FMN1: variants seen among roughly 807,000 people sequenced by gnomAD.
FMN1 encodes the protein formin 1.
In FMN1, 110 loss-of-function variants were observed where a neutral mutation model predicts 132.4. The ratio of observed to expected loss-of-function variants is 0.83; its 90% CI spans 0.71 to 0.97. FMN1 has a LOEUF of 0.97. FMN1 is among the 50% of genes least tolerant of loss of function. FMN1 has a pLI of 0.00. For missense variants in FMN1, 1,792 were observed against 1,705.3 expected (o/e 1.05, Z -0.90); for synonymous variants, 722 against 651.7 (o/e 1.11, Z -1.64).
At chr15:32,779,768 A>G (rs1284422867) in intron 19 of FMN1, among the ~76,000 whole-genome samples, 2 of 152,214 alleles carry the variant, frequency 1.3e-5, no homozygotes, top group African/African-American at 4.8e-5. Context: ...TCTGTGAGAT[A>G]GGAACTTCTA....
rs373681795 is a variant in FMN1 at position 33,061,144 on chromosome 15, T to C, written c.2161+3813A>G. ...ATGTTTTCTTCTGTGCTTTCTATCA[T>C]TGCTAGATTTTAAAGGAATCTAAAA... On this transcript the variant is annotated intron_variant, in intron 6 of 20. Transcript: ENST00000616417. 6.8e-4 allele frequency among the ~76,000 whole-genome samples: 103 copies of C among 152,252 alleles called. 1 individual carries two copies. Among genetic ancestry groups the C allele is most frequent in the African/African-American group, 2.3e-3 (97 of 41,542 alleles).
intron 15 of FMN1, among the ~76,000 whole-genome samples, chr15:32,891,831 T>C (rs529787828): frequency 2.0e-5 from 3 of 152,240 alleles, no homozygotes; most frequent in African/African-American, 4.8e-5. Flanking sequence ...GTAAAAGAGG[T>C]TGAGTTCTTG....
chr15:32,829,181 T>A (rs2058442365), intron 17 of FMN1, among the ~76,000 whole-genome samples: 1 of 152,224 alleles, frequency 6.6e-6, no homozygotes, highest in South Asian at 2.1e-4. Flanking sequence ...TCTACTCTAG[T>A]TAATATTGAT....
intron 10 of FMN1, among the ~76,000 whole-genome samples, chr15:32,911,876 A>G (rs141531225): frequency 6.6e-6 from 1 of 152,316 alleles, no homozygotes; most frequent in Non-Finnish European, 1.5e-5. Flanking sequence ...ACAGAAAGAA[A>G]GGATTTGTCC....
chr15:33,070,719 T>C (rs1038388839), intron 5 of FMN1, among the ~76,000 whole-genome samples: 2 of 152,186 alleles, frequency 1.3e-5, no homozygotes, highest in Non-Finnish European at 2.9e-5. Flanking sequence ...TGAGAGAAGG[T>C]AACTTGCCAA....
chr15:33,102,407 A>T (rs1211261561), intron 4 of FMN1, among the ~76,000 whole-genome samples: 1 of 152,156 alleles, frequency 6.6e-6, no homozygotes, highest in Non-Finnish European at 1.5e-5. Context: ...AAGCTAGACT[A>T]TTCTCATAAA....
intron 19 of FMN1, among the ~76,000 whole-genome samples, chr15:32,793,577 G>C (rs889858329): frequency 6.6e-6 from 1 of 152,282 alleles, no homozygotes; most frequent in South Asian, 2.1e-4. Flanking sequence ...CACTACGCCC[G>C]GCTGTTCTTT....
rs980008078 is a variant in FMN1, at chr15:32,849,140, C to T, written c.3928+7875G>A. 5.3e-5 allele frequency among the ~76,000 whole-genome samples: 7 copies of T among 132,352 alleles called. 1 individual carries two copies. Among genetic ancestry groups the T allele is most frequent in the East Asian group, 2.1e-4 (1 of 4,786 alleles). The allele number at this position is 132,352 out of a possible 152,430, so 86.8% of individuals were successfully genotyped here. On this transcript the variant is annotated intron_variant, in intron 17 of 20. Transcript: ENST00000616417. ...CTGGGACTACAGGCGCTTGTCACCACGCTCAGCTAATTTTTTTTTTTTTTG... is the reference window on the plus strand; with the variant it reads ...CTGGGACTACAGGCGCTTGTCACCATGCTCAGCTAATTTTTTTTTTTTTTG...
At position 33,081,490 on chromosome 15, in the gene FMN1, G is replaced by A. The variant is rs114481702; in HGVS notation, c.2043+7309C>T. Among the ~76,000 whole-genome samples the A allele has an allele frequency of 9.8e-3, 1,487 of 152,240 alleles. 29 individuals are homozygous for A. Among genetic ancestry groups the A allele is most frequent in the African/African-American group, 0.034 (1,412 of 41,552 alleles). ...AATCTAGTGTCCCATATTAGTAGCT[G>A]CAGAATTTTTACTGGATGAGTTCTG... On this transcript the variant is annotated intron_variant, in intron 5 of 20. Coordinates refer to ENST00000616417, the MANE Select transcript of FMN1 (RefSeq NM_001277313.2).
intron 7 of FMN1, among the ~76,000 whole-genome samples, chr15:32,996,758 C>A (rs756875908): frequency 6.6e-6 from 1 of 152,110 alleles, no homozygotes; most frequent in Non-Finnish European, 1.5e-5. Flanking sequence ...TAAATTCACA[C>A]TATGAATTCC....
At chr15:32,984,893 C>T (rs1024908178) in intron 7 of FMN1, among the ~76,000 whole-genome samples, 3 of 143,272 alleles carry the variant, frequency 2.1e-5, no homozygotes, top group Admixed American at 1.4e-4. Context: ...AATTTTTTAA[C>T]ATATTTATTG....
In FMN1 at chr15:33,095,205, G is replaced by GT. The variant is rs544572566; in HGVS notation, c.1868-6232_1868-6231insA. ...TCTACTGAAAATACAAAAAGTAACT[G>GT]GGTGTGGTGGGTGGTGCCTGTAATC... On this transcript the variant is annotated intron_variant, in intron 4 of 20. Coordinates refer to ENST00000616417, the MANE Select transcript of FMN1 (RefSeq NM_001277313.2). Among the ~76,000 whole-genome samples, 215 of 152,122 alleles carry GT rather than the reference G, an allele frequency of 1.4e-3. 4 individuals carry two copies. In the East Asian group the frequency reaches 0.033, roughly 23 times the overall value.
At chr15:33,061,930 C>T (rs968050159) in intron 6 of FMN1, among the ~76,000 whole-genome samples, 8 of 151,868 alleles carry the variant, frequency 5.3e-5, no homozygotes, top group African/African-American at 1.5e-4. Flanking sequence ...CTTTAAGAAA[C>T]GTGAAAACAT....
chr15:32,985,278 C>T (rs1453106779), intron 7 of FMN1, among the ~76,000 whole-genome samples: 1 of 152,164 alleles, frequency 6.6e-6, no homozygotes, highest in Non-Finnish European at 1.5e-5. Context: ...AGAACAGCCT[C>T]TTGGATTCTC....
At chr15:33,023,078 G>GA (rs3081422) in intron 6 of FMN1, among the ~76,000 whole-genome samples, 1 of 116,066 alleles carries the variant, frequency 8.6e-6, no homozygotes, top group Non-Finnish European at 1.7e-5. Flanking sequence ...AAAAAAAAAA[G>GA]AAAAAAAAGA....
chr15:32,876,159 C>T (rs4780055), intron 16 of FMN1, among the ~76,000 whole-genome samples: 48,195 of 152,070 alleles, frequency 0.32, 8,184 homozygotes, highest in African/African-American at 0.44. Flanking sequence ...TTCCAGCTAT[C>T]GAGCAGAATC....
chr15:32,994,068 G>A (rs550306019), intron 7 of FMN1, among the ~76,000 whole-genome samples: 4 of 151,820 alleles, frequency 2.6e-5, no homozygotes, highest in Admixed American at 6.6e-5. Flanking sequence ...TTTCTCCACC[G>A]CACTGTTTTC....
At chr15:32,927,939 AAAC>A (rs1168855873) in intron 9 of FMN1, among the ~76,000 whole-genome samples, 1 of 152,256 alleles carries the variant, frequency 6.6e-6, no homozygotes, top group East Asian at 1.9e-4. Context: ...AAACAGTAAC[AAAC>A]ATCTACATTT....
Position 33,073,570 on chromosome 15 carries a change from A to C in FMN1, c.2044-8496T>G, listed in dbSNP as rs143530230. ...TTCAACAAACGGCATCTTGAACAAG[A>C]GGGGAGAGCTGAGGAAATTATAACA... On this transcript the variant is annotated intron_variant, in intron 5 of 20. Coordinates refer to ENST00000616417, the MANE Select transcript of FMN1 (RefSeq NM_001277313.2). 9.9e-5 allele frequency among the ~76,000 whole-genome samples: 15 copies of C among 152,242 alleles called. No homozygotes were observed. In the East Asian group the frequency reaches 2.7e-3, roughly 27 times the overall value.
Sources: gnomAD v4.1 joint callset for allele counts (sites outside exome capture counted in the v4.1 genomes callset) on GRCh38, gnomAD v4.1.1 for gene constraint, MANE v1.5 for transcripts, NCBI Gene and HGNC (gene_info 2026-07-23, HGNC 2026-07-21) for gene names.